PRIMA1: variants seen among roughly 807,000 people sequenced by gnomAD.
PRIMA1 encodes proline-rich membrane anchor 1.
A neutral mutation model predicts 17.5 loss-of-function variants in PRIMA1; 7 were observed. The ratio of observed to expected loss-of-function variants is 0.40; its 90% CI spans 0.23 to 0.75. The LOEUF (loss-of-function observed/expected upper bound fraction) is 0.75. PRIMA1 is among the 30% of genes least tolerant of loss of function. The pLI is 0.37. For missense variants in PRIMA1, 200 were observed against 201.8 expected (o/e 0.99, Z 0.05); for synonymous variants, 97 against 77.9 (o/e 1.25, Z -1.29).
intron 4 of PRIMA1, among the ~76,000 whole-genome samples, chr14:93,729,833 A>G (rs1464458148): frequency 6.6e-6 from 1 of 151,646 alleles, no homozygotes; most frequent in Non-Finnish European, 1.5e-5. Flanking sequence ...TGGAGAGGGG[A>G]CCGCTGAGTC....
intron 4 of PRIMA1, among the ~76,000 whole-genome samples, chr14:93,736,191 G>A (rs770672630): frequency 3.3e-5 from 5 of 152,170 alleles, no homozygotes; most frequent in African/African-American, 9.7e-5. Context: ...AGTCGAACTC[G>A]TCAATAACCC....
intron 3 of PRIMA1, among the ~76,000 whole-genome samples, chr14:93,754,981 T>C (rs1472363398): frequency 6.6e-6 from 1 of 152,180 alleles, no homozygotes; most frequent in African/African-American, 2.4e-5. Context: ...CACGGCTGGC[T>C]TGGCTCCTCA....
chr14:93,723,035 C>T (rs1348055907), intron 4 of PRIMA1, among the ~76,000 whole-genome samples: 1 of 152,058 alleles, frequency 6.6e-6, no homozygotes, highest in African/African-American at 2.4e-5. Context: ...TCTGAAATTA[C>T]AGTGTACTTT....
At chr14:93,780,861 C>T (rs1344210217) in intron 2 of PRIMA1, among the ~76,000 whole-genome samples, 1 of 152,206 alleles carries the variant, frequency 6.6e-6, no homozygotes, top group South Asian at 2.1e-4. Context: ...TGCCAGTCAC[C>T]CTCCACCTCC....
intron 4 of PRIMA1, among the ~76,000 whole-genome samples, chr14:93,722,028 ATGGGGTGGTGGTGGTAGTGGTGATG>A (rs2076042247): frequency 1.7e-5 from 1 of 60,122 alleles, no homozygotes; most frequent in African/African-American, 4.4e-5. Context: ...GCTGGTGGTA[ATGGGGTGGTGGTGGTAGTGGTGATG>A]CTGGTGGTAA....
chr14:93,767,972 T>G (rs1015886869), intron 3 of PRIMA1, among the ~76,000 whole-genome samples: 3 of 152,104 alleles, frequency 2.0e-5, no homozygotes, highest in African/African-American at 7.2e-5. Context: ...AGGAATATGA[T>G]CTGGAATGAG....
chr14:93,757,340 C>T (rs1378167317), intron 3 of PRIMA1, among the ~76,000 whole-genome samples: 1 of 152,256 alleles, frequency 6.6e-6, no homozygotes, highest in Non-Finnish European at 1.5e-5. Context: ...TCCCGCCGAT[C>T]CGTTCCCTTC....
chr14:93,785,208 G>A (rs201433387), intron 2 of PRIMA1, among the ~76,000 whole-genome samples: 524 of 53,094 alleles, frequency 9.9e-3, no homozygotes, highest in Middle Eastern at 0.023. Context: ...AAAAAAAAAA[G>A]AATCATCTGG....
chr14:93,779,064 C>A lies in PRIMA1; in HGVS notation c.229+112G>T, dbSNP rs1213234919. On this transcript the variant is annotated intron_variant, in intron 3 of 4. Transcript: ENST00000393140. ...GGGCCTTGGCTTCCCTCCTGCTTGG[C>A]CAGTGGAAAATTACCAAGGAGGCAG... The A allele has an allele frequency of 1.2e-5, 9 of 757,184 alleles. No individual in the cohort carries two copies. The East Asian group carries it at 1.8e-4, about 15-fold the overall frequency. The allele number at this position is 757,184 out of a possible 1,614,324, so 46.9% of individuals were successfully genotyped here.
At chr14:93,728,793 T>C (rs1404778237) in intron 4 of PRIMA1, among the ~76,000 whole-genome samples, 1 of 152,156 alleles carries the variant, frequency 6.6e-6, no homozygotes, top group Non-Finnish European at 1.5e-5. Flanking sequence ...CTGTCCACGG[T>C]GCACGGAGGC....
At chr14:93,766,759 A>G (rs1481719916) in intron 3 of PRIMA1, among the ~76,000 whole-genome samples, 1 of 152,076 alleles carries the variant, frequency 6.6e-6, no homozygotes, top group African/African-American at 2.4e-5. Flanking sequence ...CCACTTTAAT[A>G]TTTTCCCATG....
chr14:93,773,345 A>C (rs940263556), intron 3 of PRIMA1, among the ~76,000 whole-genome samples: 1 of 152,228 alleles, frequency 6.6e-6, no homozygotes, highest in Non-Finnish European at 1.5e-5. Context: ...CCCCTTGCTG[A>C]GATTGTCATT....
rs1159228596 is a variant in PRIMA1, at chr14:93,719,549, T to A, written c.*1895A>T. ...TTAGGGCTAGGGTCCTGCCCAGGGG[T>A]CTGCTTAGGGCACAGCTTGGGGGTT... is the stretch of plus-strand genomic sequence containing the variant. On this transcript the variant is annotated 3_prime_UTR_variant, in exon 5 of 5. Transcript: ENST00000393140. 1 of 152,540 alleles carries A rather than the reference T, an allele frequency of 6.6e-6. No homozygotes were observed. The highest frequency in any genetic ancestry group is 6.5e-5 in the Admixed American group (1 of 15,290). The allele number at this position is 152,540 out of a possible 1,614,324, so 9.4% of individuals were successfully genotyped here.
chr14:93,763,946 C>A (rs1269718038), intron 3 of PRIMA1, among the ~76,000 whole-genome samples: 4 of 152,150 alleles, frequency 2.6e-5, no homozygotes, highest in Admixed American at 6.5e-5. Flanking sequence ...GCACCTCCAA[C>A]ACCTTGTGTC....
chr14:93,781,514 TGA>T (rs1305063569), intron 2 of PRIMA1, among the ~76,000 whole-genome samples: 1 of 152,218 alleles, frequency 6.6e-6, no homozygotes, highest in African/African-American at 2.4e-5. Flanking sequence ...GTGCAATCTA[TGA>T]GAGAGAGTTC....
chr14:93,740,351 C>T (rs974331100), intron 3 of PRIMA1, among the ~76,000 whole-genome samples: 1 of 152,198 alleles, frequency 6.6e-6, no homozygotes, highest in African/African-American at 2.4e-5. Flanking sequence ...CTTGGGGTAT[C>T]CCTGACTTGG....
rs901355072 is a variant in PRIMA1 at position 93,719,894 on chromosome 14, G to C, written c.*1550C>G. On this transcript the variant is annotated 3_prime_UTR_variant, in exon 5 of 5. Coordinates refer to ENST00000393140, the MANE Select transcript of PRIMA1 (RefSeq NM_178013.4). ...TCCTCAGCCCACACCTGATGACCTG[G>C]GCAGGACAATGACACACAGACAGCT... 1 of 152,228 alleles carries C rather than the reference G, an allele frequency of 6.6e-6. No homozygotes were observed. The highest frequency in any genetic ancestry group is 1.5e-5 in the Non-Finnish European group (1 of 68,068). The allele number at this position is 152,228 out of a possible 1,614,324, so 9.4% of individuals were successfully genotyped here.
chr14:93,728,572 G>A (rs1034895672), intron 4 of PRIMA1, among the ~76,000 whole-genome samples: 7 of 152,080 alleles, frequency 4.6e-5, no homozygotes, highest in South Asian at 2.1e-4. Flanking sequence ...TGCAGTGGGC[G>A]TCACCTGAAG....
chr14:93,760,862 T>C (rs2141179695), intron 3 of PRIMA1, among the ~76,000 whole-genome samples: 1 of 149,792 alleles, frequency 6.7e-6, no homozygotes, highest in East Asian at 2.0e-4. Context: ...GCTGCCCCAG[T>C]CCAGCCCACC....
Sources: gnomAD v4.1 joint callset for allele counts (sites outside exome capture counted in the v4.1 genomes callset) on GRCh38, gnomAD v4.1.1 for gene constraint, MANE v1.5 for transcripts, NCBI Gene and HGNC (gene_info 2026-07-23, HGNC 2026-07-21) for gene names.